Variants in APBB3 observed in about 807,000 individuals in gnomAD.
APBB3 encodes amyloid-beta A4 precursor protein-binding family B member 3.
Under a neutral mutation model 61.5 loss-of-function variants are expected in APBB3, and 50 were observed. That is an observed-to-expected ratio of 0.81 (90% CI 0.65 to 1.03). The LOEUF (loss-of-function observed/expected upper bound fraction) is 1.03, where lower values mean the gene tolerates loss of function less well. Ranked by LOEUF, APBB3 falls within the 50% of genes least tolerant of loss-of-function variation. The pLI is 0.00. For missense variants in APBB3, 550 were observed against 637.4 expected, an observed-to-expected ratio of 0.86 and a Z score of 1.48; for synonymous variants, 235 against 233.0, an observed-to-expected ratio of 1.01 and a Z score of -0.08.
At position 140,562,700 on chromosome 5, in the gene APBB3, C is replaced by A. The variant is rs1159293561; in HGVS notation, c.314G>T (p.Gly105Val). The A allele has an allele frequency of 6.2e-7, 1 of 1,614,204 alleles. No homozygotes were observed. The highest frequency in any genetic ancestry group is 1.7e-5 in the Admixed American group (1 of 60,024). The change falls in exon 4 of 13, where the codon GGG (glycine) becomes GTG (valine). Residue 105 changes from glycine to valine, a missense_variant. By Grantham distance (109) the Gly-to-Val change is moderately radical (BLOSUM62 -3). Coordinates refer to ENST00000357560, the MANE Select transcript of APBB3 (RefSeq NM_133173.3). ...CTCCATGCTCTGGATGTAGGATTCC[C>A]CACCATACCAGGACAGAGAGTTACT... The part of the protein sequence containing the change: ...DRSNSLSWYG[G>V]ESYIQSMEPG...
Position 140,560,876 on chromosome 5 carries a change from G to C in APBB3, c.917-122C>G. 7.2e-7 allele frequency: 1 copy of C among 1,382,796 alleles called. No individual in the cohort carries two copies. The highest frequency in any genetic ancestry group is 1.0e-6 in the Non-Finnish European group (1 of 991,122). The allele number at this position is 1,382,796 out of a possible 1,614,324, so 85.7% of individuals were successfully genotyped here. ...AATAGGATAGCTGGGGCAAGCCTTAGAATTCTGATTTGGGAAGGCTGGTAG... is the reference window on the plus strand; with the variant it reads ...AATAGGATAGCTGGGGCAAGCCTTACAATTCTGATTTGGGAAGGCTGGTAG... On this transcript the variant is annotated intron_variant, in intron 10 of 12. Transcript: ENST00000357560. This position sits in a 1 kb window ranked among gnomAD's most constrained non-coding sequence, Gnocchi z 5.1.
chr5:140,559,881 C>T (rs541984382), intron 12 of APBB3, among the ~76,000 whole-genome samples: 12 of 152,360 alleles, frequency 7.9e-5, no homozygotes, highest in African/African-American at 2.9e-4. Context: ...GTGTCTGGGA[C>T]CCTGTAGGCA....
Position 140,562,426 on chromosome 5 carries a change from G to C in APBB3, c.425C>G (p.Ala142Gly). ...CAGCTGCTGGATACAGTTATTGACT[G>C]CAATACTGCTCTTCCCCGGTGCCAG... ...EDLAPGKSSIAVNNCIQQLAQ... is the reference protein window; with the variant it reads ...EDLAPGKSSIGVNNCIQQLAQ... Residue 142 changes from alanine to glycine, a missense_variant, in exon 5 of 13, where the codon GCA becomes GGA. By Grantham distance (60) the Ala-to-Gly change is moderately conservative. Coordinates refer to ENST00000357560, the MANE Select transcript of APBB3 (RefSeq NM_133173.3). 4 of 1,614,172 alleles carry C rather than the reference G, an allele frequency of 2.5e-6. No homozygotes were observed. The highest frequency in any genetic ancestry group is 3.4e-6 in the Non-Finnish European group (4 of 1,180,038).
At chr5:140,558,887 A>G (rs1295083632) in intron 12 of APBB3, 66 bp from the exon 13 acceptor site, 3 of 1,446,224 alleles carry the variant, frequency 2.1e-6, no homozygotes, top group Non-Finnish European at 2.9e-6. Flanking sequence ...AAGCTTCTGC[A>G]GGACAGGGAA....
intron 3 of APBB3, chr5:140,563,358 A>G: frequency 1.7e-6 from 1 of 593,736 alleles, no homozygotes; most frequent in Non-Finnish European, 3.0e-6. Flanking sequence ...GGTCTAGAAC[A>G]TGATAGGTTA....
intron 2 of APBB3, 35 bp downstream of exon 2, chr5:140,563,717 C>T (rs777825987): frequency 1.2e-6 from 2 of 1,614,080 alleles, no homozygotes; most frequent in Non-Finnish European, 1.7e-6. Context: ...TAGGTCCACA[C>T]ATGGGCTCAG....
At chr5:140,558,931 TAGTC>T in intron 12 of APBB3, 110 bp from the exon 13 acceptor site, 4 of 962,500 alleles carry the variant, frequency 4.2e-6, no homozygotes, top group Non-Finnish European at 6.6e-6. Flanking sequence ...ACAAGGTTGG[TAGTC>T]AGCCACATGT....
Position 140,560,496 on chromosome 5 carries a change from G to T in APBB3, c.1041C>A (p.Ala347=), listed in dbSNP as rs867030204. 6.2e-7 allele frequency: 1 copy of T among 1,613,246 alleles called. No individual in the cohort carries two copies. Among genetic ancestry groups the T allele is most frequent in the Non-Finnish European group, 8.5e-7 (1 of 1,179,608 alleles). The stretch of plus-strand genomic sequence containing the variant: ...GCCACAATGGCTCCTCCTCTGTACT[G>T]GCCTCTGCCTGCCCACACCAGGCCT... The part of the protein sequence containing the change: ...LMTAHPIQAE[A]STEEEPLWQC... The change falls in exon 12 of 13, where the codon GCC becomes GCA. Residue 347 remains alanine (A), a synonymous_variant. Coordinates refer to ENST00000357560, the MANE Select transcript of APBB3 (RefSeq NM_133173.3). This position sits in a 1 kb window ranked among gnomAD's most constrained non-coding sequence, Gnocchi z 5.1.
chr5:140,558,968 G>A (rs897346801), intron 12 of APBB3, 147 bp from the exon 13 acceptor site: 13 of 719,138 alleles, frequency 1.8e-5, no homozygotes, highest in Non-Finnish European at 2.4e-6. Flanking sequence ...GCATTCCCAG[G>A]TAGCTCAATA....
Position 140,560,792 on chromosome 5 carries a change from G to C in APBB3, c.917-38C>G. Reference sequence around the variant, plus strand: ...ACCCAGCGTGTCTCCCAGTGTAAAAGAAAGAGTCTGCAGGGAGTGTCTAGC... The same window carrying C: ...ACCCAGCGTGTCTCCCAGTGTAAAACAAAGAGTCTGCAGGGAGTGTCTAGC... On this transcript the variant is annotated intron_variant, in intron 10 of 12. Coordinates refer to ENST00000357560, the MANE Select transcript of APBB3 (RefSeq NM_133173.3). The surrounding 1 kb of genome is among the most constrained non-coding windows in gnomAD (Gnocchi z 5.1). The C allele has an allele frequency of 6.3e-7, 1 of 1,585,254 alleles. No individual in the cohort carries two copies. Among genetic ancestry groups the C allele is most frequent in the Non-Finnish European group, 8.7e-7 (1 of 1,154,580 alleles).
rs142416720 is a variant in APBB3, at chr5:140,560,430, G to A, written c.1107C>T (p.Arg369=). 1.9e-5 allele frequency: 30 copies of A among 1,613,960 alleles called. No homozygotes were observed. Among genetic ancestry groups the A allele is most frequent in the African/African-American group, 1.1e-4 (8 of 74,930 alleles). Residue 369 remains arginine (R), a synonymous_variant, in exon 12 of 13, where the codon CGC becomes CGT. Transcript: ENST00000357560. The surrounding 1 kb of genome is among the most constrained non-coding windows in gnomAD (Gnocchi z 5.1). ...CGATGAGGCCAAAGGTGTGTGGGTC[G>A]CGGCCAACACCAATAAATGTCACAA... ...VRLVTFIGVG[R]DPHTFGLIAD...
Position 140,561,660 on chromosome 5 carries a change from A to G in APBB3, c.674T>C (p.Leu225Pro). The G allele has an allele frequency of 1.2e-6, 2 of 1,614,228 alleles. No homozygotes were observed. Among genetic ancestry groups the G allele is most frequent in the South Asian group, 1.1e-5 (1 of 91,092 alleles). ...FVASDKDSCM[L>P]KCHVFCCDVP... Reference sequence around the variant, plus strand: ...ATCACAGCAAAACACATGGCACTTGAGCATACAGCTATCTTTGTCACTTGC... The same window carrying G: ...ATCACAGCAAAACACATGGCACTTGGGCATACAGCTATCTTTGTCACTTGC... The change falls in exon 8 of 13, where the codon CTC (leucine) becomes CCC (proline). Residue 225 changes from leucine (L) to proline (P), a missense_variant. Leu to Pro is a moderately conservative substitution (Grantham distance 98). Transcript: ENST00000357560.
Position 140,561,349 on chromosome 5 carries a change from T to G in APBB3, c.832+16A>C. ...AAGCACCCCAATGCAGCAATGCAGG[T>G]CTCCCCTCCCCATACCTTGCCGTGG... On this transcript the variant is annotated intron_variant, in intron 9 of 12. Coordinates refer to ENST00000357560, the MANE Select transcript of APBB3 (RefSeq NM_133173.3). 6.2e-7 allele frequency: 1 copy of G among 1,613,840 alleles called. No individual in the cohort carries two copies. The highest frequency in any genetic ancestry group is 8.5e-7 in the Non-Finnish European group (1 of 1,179,816).
At position 140,564,227 on chromosome 5, in the gene APBB3, T is replaced by C. The variant is rs775087068; in HGVS notation, c.19A>G (p.Met7Val). The C allele has an allele frequency of 1.2e-6, 2 of 1,613,094 alleles. No individual in the cohort carries two copies. The highest frequency in any genetic ancestry group is 1.3e-5 in the African/African-American group (1 of 74,932). Residue 7 changes from methionine to valine, a missense_variant, in exon 1 of 13, where the codon ATG (methionine) becomes GTG (valine). By Grantham distance (21) the Met-to-Val change is conservative. Around this residue, in one of 3 missense-constraint regions of APBB3, gnomAD observed 405 missense variants for 483.4 expected, o/e 0.84. Coordinates refer to ENST00000357560, the MANE Select transcript of APBB3 (RefSeq NM_133173.3). The surrounding 1 kb of genome is among the most constrained non-coding windows in gnomAD (Gnocchi z 5.0). ...CAGTTGACCAGAATGATGGCCAGCATGTAATCCTTGCCCAGCATAACCCCG... is the reference window on the plus strand; with the variant it reads ...CAGTTGACCAGAATGATGGCCAGCACGTAATCCTTGCCCAGCATAACCCCG... MLGKDY[M>V]LAIILVNCDD...
Position 140,558,735 on chromosome 5 carries a change from C to T in APBB3, c.1311G>A (p.Arg437=). The change falls in exon 13 of 13, where the codon CGG becomes CGA. Residue 437 remains arginine (R), a synonymous_variant. Transcript: ENST00000357560. ...CTCCTGGGGAATCCATGGAGCTGGT[C>T]CGCTTGAGCCGCAGGCGGGCACGGG... The part of the protein sequence containing the change: ...AQARARLRLK[R]TSSMDSPGGP... The T allele has an allele frequency of 6.2e-7, 1 of 1,606,834 alleles. No homozygotes were observed. The highest frequency in any genetic ancestry group is 8.5e-7 in the Non-Finnish European group (1 of 1,178,076).
At chr5:140,562,944 A>G (rs1755029215) in intron 3 of APBB3, 7 of 561,430 alleles carry the variant, frequency 1.2e-5, no homozygotes, top group Non-Finnish European at 1.9e-5. Flanking sequence ...GACACAGGAC[A>G]TAGAATAAAA....
At chr5:140,559,439 AC>A (rs966420907) in intron 12 of APBB3, among the ~76,000 whole-genome samples, 1 of 152,132 alleles carries the variant, frequency 6.6e-6, no homozygotes, top group African/African-American at 2.4e-5. Flanking sequence ...CTAATCCATA[AC>A]CCTGACTTCA....
chr5:140,561,574 C>T lies in APBB3; in HGVS notation c.747+13G>A, dbSNP rs776317478. ...CCCTTACCCACATTCCCTGCCCCAC[C>T]CCTGACACTTACCTGGGCACAAAGC... On this transcript the variant is annotated intron_variant, in intron 8 of 12. Transcript: ENST00000357560. The T allele has an allele frequency of 2.5e-6, 4 of 1,614,132 alleles. 1 individual carries two copies. The South Asian group carries it at 4.4e-5, about 18-fold the overall frequency.
At position 140,561,418 on chromosome 5, in the gene APBB3, T is replaced by C. The variant is rs1388673942; in HGVS notation, c.779A>G (p.Asp260Gly). The change falls in exon 9 of 13, where the codon GAT becomes GGT. Residue 260 changes from aspartate (D) to glycine (G), a missense_variant. Physicochemically the swap from Asp to Gly is moderately conservative, Grantham distance 94. Coordinates refer to ENST00000357560, the MANE Select transcript of APBB3 (RefSeq NM_133173.3). ...ILSERVEVSG[D>G]ASCCSPDPIS... ...GGGGTCTGGGGAGCAGCAAGAGGCATCACCACTGACCTCTACTCGCTCTGA... is the reference window on the plus strand; with the variant it reads ...GGGGTCTGGGGAGCAGCAAGAGGCACCACCACTGACCTCTACTCGCTCTGA... 1 of 1,613,920 alleles carries C rather than the reference T, an allele frequency of 6.2e-7. No individual in the cohort carries two copies. The highest frequency in any genetic ancestry group is 1.3e-5 in the African/African-American group (1 of 74,856).
Sources: gnomAD v4.1 joint callset for allele counts (sites outside exome capture counted in the v4.1 genomes callset) on GRCh38, gnomAD v4.1.1 for gene constraint, gnomAD v4.1.1 regional missense constraint, Gnocchi (gnomAD v3.1) non-coding constraint, MANE v1.5 for transcripts, NCBI Gene and HGNC (gene_info 2026-07-23, HGNC 2026-07-21) for gene names.